Variants in LDLRAD4 observed in about 807,000 individuals in gnomAD.
LDLRAD4 encodes the protein low-density lipoprotein receptor class A domain-containing protein 4.
In LDLRAD4, 5 loss-of-function variants were observed where a neutral mutation model predicts 17.0. The ratio of observed to expected loss-of-function variants is 0.29; its 90% CI spans 0.15 to 0.62. The LOEUF (loss-of-function observed/expected upper bound fraction) is 0.62. Among genes scored for constraint, LDLRAD4 ranks in the 20% least tolerant of loss-of-function variants. The pLI is 0.84. For missense variants in LDLRAD4, 340 were observed against 424.7 expected (o/e 0.80, Z 1.75); for synonymous variants, 168 against 171.8 (o/e 0.98, Z 0.17).
chr18:13,276,610 C>T (rs1204668540), upstream of LDLRAD4, among the ~76,000 whole-genome samples: 1 of 152,224 alleles, frequency 6.6e-6, no homozygotes, highest in Non-Finnish European at 1.5e-5. Context: ...AGGGGCTGCT[C>T]TCAGGTCCTG....
chr18:13,324,439 GCCTCAAGTGT>G (rs1258247432), intron 1 of LDLRAD4, among the ~76,000 whole-genome samples: 1 of 152,108 alleles, frequency 6.6e-6, no homozygotes, highest in East Asian at 1.9e-4. Flanking sequence ...ACCGCGCCTG[GCCTCAAGTGT>G]CTATTTTTTG....
At chr18:13,613,645 G>A (rs980698272) in intron 3 of LDLRAD4, 2 of 152,258 alleles carry the variant, frequency 1.3e-5, no homozygotes, top group African/African-American at 4.8e-5. Context: ...AATGCGTGGT[G>A]AGAAGTAATT....
At chr18:13,340,966 A>C (rs1172571009) in intron 1 of LDLRAD4, among the ~76,000 whole-genome samples, 1 of 152,028 alleles carries the variant, frequency 6.6e-6, no homozygotes, top group East Asian at 1.9e-4. Flanking sequence ...AGTTTTCCCA[A>C]CCCATTTGTT....
At chr18:13,436,159 G>A (rs1300798304) in intron 2 of LDLRAD4, among the ~76,000 whole-genome samples, 1 of 152,210 alleles carries the variant, frequency 6.6e-6, no homozygotes, top group Non-Finnish European at 1.5e-5. Context: ...GGAAGGAGCA[G>A]CAAATTAGTC....
intron 3 of LDLRAD4, among the ~76,000 whole-genome samples, chr18:13,461,777 A>T (rs113731849): frequency 2.6e-4 from 40 of 152,362 alleles, no homozygotes; most frequent in African/African-American, 9.6e-4. Flanking sequence ...GATTGGTTGC[A>T]GAAAGTGACC....
chr18:13,590,370 C>T (rs1251892966), intron 3 of LDLRAD4, among the ~76,000 whole-genome samples: 1 of 151,818 alleles, frequency 6.6e-6, no homozygotes, highest in East Asian at 1.9e-4. Context: ...TGTATGTGCA[C>T]GTGTTGTGTG....
chr18:13,523,086 C>T (rs973118021), intron 3 of LDLRAD4, among the ~76,000 whole-genome samples: 1 of 152,142 alleles, frequency 6.6e-6, no homozygotes, highest in Non-Finnish European at 1.5e-5. Flanking sequence ...CCTCTTGGTG[C>T]CCCCACTGTG....
rs186169979 is a variant in LDLRAD4 at position 13,298,608 on chromosome 18, T to C, written c.-383+20420T>C. On this transcript the variant is annotated intron_variant, in intron 1 of 5. Coordinates refer to ENST00000359446, the Ensembl canonical transcript of LDLRAD4. ...CATGGTGATGTTGCTGCTTTGGGCATGGTGATGGAGCTGCTCTGGGCATGG... is the reference window on the plus strand; with the variant it reads ...CATGGTGATGTTGCTGCTTTGGGCACGGTGATGGAGCTGCTCTGGGCATGG... Among the ~76,000 whole-genome samples, 4 of 136,304 alleles carry C rather than the reference T, an allele frequency of 2.9e-5. No individual in the cohort carries two copies. The East Asian group carries it at 9.5e-4, about 32-fold the overall frequency. The allele number at this position is 136,304 out of a possible 152,430, so 89.4% of individuals were successfully genotyped here.
At chr18:13,348,571 C>G (rs1357576493) in intron 1 of LDLRAD4, among the ~76,000 whole-genome samples, 1 of 152,152 alleles carries the variant, frequency 6.6e-6, no homozygotes, top group Non-Finnish European at 1.5e-5. Context: ...AAGCGGCGTG[C>G]TGGGAGAACC....
chr18:13,551,624 G>A (rs2094435801), intron 3 of LDLRAD4, among the ~76,000 whole-genome samples: 1 of 152,100 alleles, frequency 6.6e-6, no homozygotes. Flanking sequence ...GTGTGCCATG[G>A]TGGGGTAGGA....
chr18:13,362,155 T>G (rs1467394865), intron 1 of LDLRAD4: 1 of 152,162 alleles, frequency 6.6e-6, no homozygotes, highest in Non-Finnish European at 1.5e-5. Context: ...CATTGTGCCT[T>G]TGTCTCATAC....
intron 3 of LDLRAD4, chr18:13,486,872 C>G (rs1023657755): frequency 6.6e-6 from 1 of 152,142 alleles, no homozygotes; most frequent in African/African-American, 2.4e-5. Flanking sequence ...TTGGAAGTGT[C>G]GGGGTGGAAT....
intron 4 of LDLRAD4, among the ~76,000 whole-genome samples, chr18:13,623,502 C>A (rs938644962): frequency 1.3e-5 from 2 of 152,238 alleles, no homozygotes; most frequent in Admixed American, 6.5e-5. Flanking sequence ...AGCTGTCCCT[C>A]CTCGAGGTGT....
intron 1 of LDLRAD4, among the ~76,000 whole-genome samples, chr18:13,285,297 A>G (rs551784016): frequency 3.4e-4 from 52 of 152,308 alleles, no homozygotes; most frequent in African/African-American, 1.2e-3. Flanking sequence ...GGTTAAGAGC[A>G]CTTGCAGTGG....
At chr18:13,616,744 C>T (rs1449927102) in intron 3 of LDLRAD4, among the ~76,000 whole-genome samples, 3 of 152,204 alleles carry the variant, frequency 2.0e-5, no homozygotes. Flanking sequence ...CTCCTGTGCC[C>T]AGGGCTGAGT....
intron 3 of LDLRAD4, among the ~76,000 whole-genome samples, chr18:13,583,812 C>T (rs1325582852): frequency 2.0e-5 from 3 of 152,214 alleles, no homozygotes; most frequent in East Asian, 3.9e-4. Context: ...TTGTGTCTCT[C>T]GCTTTGCCTT....
intron 1 of LDLRAD4, among the ~76,000 whole-genome samples, chr18:13,345,235 T>C (rs2082612714): frequency 6.6e-6 from 1 of 152,200 alleles, no homozygotes; most frequent in African/African-American, 2.4e-5. Flanking sequence ...AGATAGCTCT[T>C]ATTATTTTGA....
chr18:13,589,373 A>T (rs1206066182), intron 3 of LDLRAD4, among the ~76,000 whole-genome samples: 1 of 152,194 alleles, frequency 6.6e-6, no homozygotes, highest in Non-Finnish European at 1.5e-5. Context: ...CCCATGGCAC[A>T]CTGAGTTTTA....
intron 1 of LDLRAD4, among the ~76,000 whole-genome samples, chr18:13,331,111 A>C (rs1269090874): frequency 6.6e-6 from 1 of 152,244 alleles, no homozygotes; most frequent in African/African-American, 2.4e-5. Context: ...TGCTCTAGCT[A>C]GTTAAACCCA....
Sources: allele counts gnomAD v4.1 joint callset (sites outside exome capture counted in the v4.1 genomes callset), GRCh38; gene constraint gnomAD v4.1.1; transcripts MANE v1.5; gene names NCBI Gene and HGNC (gene_info 2026-07-23, HGNC 2026-07-21).